Variants in MAGI2 observed in about 807,000 individuals in gnomAD.
The protein encoded by MAGI2 is membrane associated guanylate kinase, WW and PDZ domain containing 2.
Under a neutral mutation model 133.3 loss-of-function variants are expected in MAGI2, and 35 were observed. That is an observed-to-expected ratio of 0.26 (90% CI 0.20 to 0.35). MAGI2 has a LOEUF of 0.35. MAGI2 is among the 10% of genes least tolerant of loss of function. The pLI, the probability that MAGI2 is intolerant of heterozygous loss-of-function variation, is 1.00. For synonymous variants in MAGI2, 729 were observed against 710.6 expected (o/e 1.03, Z -0.41); for missense variants, 1,636 against 1,863.4 (o/e 0.88, Z 2.25).
At chr7:78,213,757 T>C (rs893317577) in intron 10 of MAGI2, among the ~76,000 whole-genome samples, 1 of 152,242 alleles carries the variant, frequency 6.6e-6, no homozygotes, top group Non-Finnish European at 1.5e-5. Flanking sequence ...TCTTTGTCGA[T>C]CATGCGACAG....
intron 1 of MAGI2, chr7:79,413,089 A>T (rs1846250892): frequency 1.3e-5 from 2 of 152,112 alleles, no homozygotes; most frequent in South Asian, 4.1e-4. Context: ...CTCATGAACA[A>T]CTCGGAAGAC....
intron 1 of MAGI2, among the ~76,000 whole-genome samples, chr7:79,237,222 G>A (rs1332928135): frequency 7.9e-5 from 12 of 152,180 alleles, no homozygotes; most frequent in East Asian, 1.9e-4. Context: ...CTTGCCGGGC[G>A]CGGTGGCTCA....
At chr7:78,922,832 C>T (rs1765193124) in intron 2 of MAGI2, among the ~76,000 whole-genome samples, 1 of 150,630 alleles carries the variant, frequency 6.6e-6, no homozygotes, top group African/African-American at 2.4e-5. Context: ...GTTCCTATTT[C>T]TCCACATCCT....
intron 1 of MAGI2, among the ~76,000 whole-genome samples, chr7:79,110,168 G>A (rs1406923106): frequency 2.0e-5 from 3 of 151,924 alleles, no homozygotes; most frequent in African/African-American, 7.2e-5. Flanking sequence ...AAAAGCCTGG[G>A]TGCCCAGGCA....
intron 15 of MAGI2, among the ~76,000 whole-genome samples, chr7:78,162,033 C>G (rs1825075540): frequency 6.6e-6 from 1 of 152,048 alleles, no homozygotes; most frequent in African/African-American, 2.4e-5. Flanking sequence ...TTTATCAGTC[C>G]TTGTACAAGT....
intron 1 of MAGI2, among the ~76,000 whole-genome samples, chr7:79,271,604 C>T (rs1563066186): frequency 6.6e-6 from 1 of 150,552 alleles, no homozygotes; most frequent in East Asian, 2.0e-4. Flanking sequence ...GATTTATTTT[C>T]CTATGCTAGG....
intron 1 of MAGI2, among the ~76,000 whole-genome samples, chr7:79,174,420 C>T (rs2129549342): frequency 6.6e-6 from 1 of 151,990 alleles, no homozygotes; most frequent in South Asian, 2.1e-4. Flanking sequence ...TCTGAATTCA[C>T]ACATACACAA....
chr7:79,424,519 T>A (rs1245569284), intron 1 of MAGI2, among the ~76,000 whole-genome samples: 1 of 152,088 alleles, frequency 6.6e-6, no homozygotes, highest in Non-Finnish European at 1.5e-5. Flanking sequence ...TGACAATATA[T>A]TATATGATCA....
At chr7:78,405,935 A>C (rs923066148) in intron 6 of MAGI2, among the ~76,000 whole-genome samples, 4 of 152,010 alleles carry the variant, frequency 2.6e-5, no homozygotes, top group Non-Finnish European at 5.9e-5. Context: ...TTACTATAAA[A>C]TGCAGAGAAA....
chr7:78,795,617 A>G (rs1447598111), intron 2 of MAGI2, among the ~76,000 whole-genome samples: 1 of 147,120 alleles, frequency 6.8e-6, no homozygotes, highest in Non-Finnish European at 1.5e-5. Context: ...CTATCAAAAT[A>G]CCAATGACAT....
chr7:79,109,149 C>G (rs6959534), intron 1 of MAGI2, among the ~76,000 whole-genome samples: 99,282 of 152,058 alleles, frequency 0.65, 37,003 homozygotes, highest in Non-Finnish European at 0.83. Flanking sequence ...TAAGATATTG[C>G]TATAAAGATA....
At chr7:79,036,309 T>C (rs910959610) in intron 1 of MAGI2, among the ~76,000 whole-genome samples, 1 of 152,220 alleles carries the variant, frequency 6.6e-6, no homozygotes, top group African/African-American at 2.4e-5. Flanking sequence ...TTGAGGATTA[T>C]CACACTACTT....
intron 1 of MAGI2, among the ~76,000 whole-genome samples, chr7:79,292,997 T>C (rs980286505): frequency 1.1e-4 from 16 of 152,174 alleles, no homozygotes; most frequent in East Asian, 7.7e-4. Context: ...CGGAAAAATT[T>C]CAAACTCCTC....
intron 2 of MAGI2, among the ~76,000 whole-genome samples, chr7:78,958,533 C>T (rs959850637): frequency 2.0e-5 from 3 of 152,054 alleles, no homozygotes; most frequent in African/African-American, 7.2e-5. Flanking sequence ...GACATTATAC[C>T]AGATTCCCAT....
At chr7:78,420,244 G>T (rs1798675771) in intron 6 of MAGI2, among the ~76,000 whole-genome samples, 1 of 152,154 alleles carries the variant, frequency 6.6e-6, no homozygotes, top group Admixed American at 6.6e-5. Context: ...GGGCTTAACA[G>T]TGGCAATTAC....
At chr7:78,659,238 CAG>C (rs746812193) in intron 2 of MAGI2, among the ~76,000 whole-genome samples, 5 of 151,768 alleles carry the variant, frequency 3.3e-5, no homozygotes, top group Non-Finnish European at 7.4e-5. Context: ...ATCACGAGGT[CAG>C]GAGATTGAGA....
At chr7:78,739,850 A>C (rs1585250094) in intron 2 of MAGI2, among the ~76,000 whole-genome samples, 2 of 152,092 alleles carry the variant, frequency 1.3e-5, no homozygotes, top group South Asian at 4.2e-4. Context: ...TGTGCAGCCC[A>C]CTCTTAGTAA....
intron 1 of MAGI2, among the ~76,000 whole-genome samples, chr7:79,219,476 G>T (rs1830276533): frequency 6.6e-6 from 1 of 152,006 alleles, no homozygotes; most frequent in African/African-American, 2.4e-5. Context: ...TTTTCACAGA[G>T]ATAATGAAAT....
chr7:78,436,076 T>C (rs1167150342), intron 6 of MAGI2, among the ~76,000 whole-genome samples: 1 of 151,986 alleles, frequency 6.6e-6, no homozygotes, highest in African/African-American at 2.4e-5. Context: ...ACCCTGGAGG[T>C]TTCTTATTTT....
Sources: gnomAD v4.1 joint callset for allele counts (sites outside exome capture counted in the v4.1 genomes callset) on GRCh38, gnomAD v4.1.1 for gene constraint, MANE v1.5 for transcripts, NCBI Gene and HGNC (gene_info 2026-07-23, HGNC 2026-07-21) for gene names.